The following SCN1A variants were observed in gnomAD, a reference collection of about 807,000 sequenced individuals.
SCN1A encodes the protein sodium channel protein type 1 subunit alpha.
Under a neutral mutation model 193.7 loss-of-function variants are expected in SCN1A, and 13 were observed. The observed-to-expected ratio is 0.07, with a 90% CI of 0.04 to 0.11. The LOEUF is 0.11. SCN1A is among the 10% of genes least tolerant of loss of function. SCN1A has a pLI of 1.00. For synonymous variants in SCN1A, 781 were observed against 843.6 expected, an observed-to-expected ratio of 0.93 and a Z score of 1.29; for missense variants, 1,432 against 2,451.1, an observed-to-expected ratio of 0.58 and a Z score of 8.78.
chr2:166,021,651 TC>T, intron 19 of SCN1A, among the ~76,000 whole-genome samples: 1 of 152,308 alleles, frequency 6.6e-6, no homozygotes, highest in Admixed American at 6.5e-5. Flanking sequence ...ATAAATTATT[TC>T]TAAAATGCTA....
Position 166,046,884 on chromosome 2 carries a change from C to T in SCN1A, c.1263G>A (p.Val421=). The T allele has an allele frequency of 6.2e-7, 1 of 1,613,988 alleles. No homozygotes were observed. Among genetic ancestry groups the T allele is most frequent in the Non-Finnish European group, 8.5e-7 (1 of 1,179,916 alleles). The change falls in exon 12 of 29, where the codon GTG becomes GTA. Residue 421 remains valine, a synonymous_variant. Coordinates refer to ENST00000674923, the MANE Select transcript of SCN1A (RefSeq NM_001165963.4). ...TCTGTTCCTCGTAGGCCATGGCCAC[C>T]ACAGCCAGGATCAAATTTATTAGGT... ...SFYLINLILA[V]VAMAYEEQNQ...
chr2:166,084,895 C>T (rs4667870), intron 2 of SCN1A, among the ~76,000 whole-genome samples: 3,768 of 152,254 alleles, frequency 0.025, 229 homozygotes, highest in Admixed American at 0.14. Context: ...ATTTCCAAAG[C>T]CTGGTCCATT....
intron 6 of SCN1A, among the ~76,000 whole-genome samples, 198 bp downstream of exon 6, chr2:166,056,213 A>G (rs1699113428): frequency 6.6e-6 from 1 of 152,220 alleles, no homozygotes; most frequent in African/African-American, 2.4e-5. Flanking sequence ...GGTGAACACC[A>G]GGTACAGGCA....
intron 19 of SCN1A, among the ~76,000 whole-genome samples, chr2:166,035,191 C>T (rs939990098): frequency 2.0e-5 from 3 of 152,206 alleles, no homozygotes; most frequent in Non-Finnish European, 4.4e-5. Context: ...GCACTCCCCT[C>T]ACTAGCTATG....
chr2:166,036,129 T>C lies in SCN1A; in HGVS notation c.3348A>G (p.Pro1116=). 6.2e-7 allele frequency: 1 copy of C among 1,614,044 alleles called. No individual in the cohort carries two copies. The highest frequency in any genetic ancestry group is 1.3e-5 in the African/African-American group (1 of 75,042). The change falls in exon 19 of 29, where the codon CCA becomes CCG. Residue 1116 remains proline, a synonymous_variant. Transcript: ENST00000674923. ...CAAAGTCAGATTCTCCTACAGCAATTGGTACAGTCACAGTAAGACTGGGGT... is the reference window on the plus strand; with the variant it reads ...CAAAGTCAGATTCTCCTACAGCAATCGGTACAGTCACAGTAAGACTGGGGT... The part of the protein sequence containing the change: ...INNPSLTVTV[P]IAVGESDFEN...
At position 165,990,540 on chromosome 2, in the gene SCN1A, G is replaced by A. The variant is rs1165426428; in HGVS notation, c.*705C>T. Reference sequence around the variant, plus strand: ...ACCCACAAATAATCTACTTGGTCTAGGGGCTGGATTTCGCAAAACAAGATC... The same window carrying A: ...ACCCACAAATAATCTACTTGGTCTAAGGGCTGGATTTCGCAAAACAAGATC... On this transcript the variant is annotated 3_prime_UTR_variant, in exon 29 of 29. Transcript: ENST00000674923. 2 of 152,566 alleles carry A rather than the reference G, an allele frequency of 1.3e-5. No individual in the cohort carries two copies. The highest frequency in any genetic ancestry group is 2.9e-5 in the Non-Finnish European group (2 of 68,088). The allele number at this position is 152,566 out of a possible 1,614,324, so 9.5% of individuals were successfully genotyped here. A position where few individuals can be genotyped will look rare whatever the true frequency, so the allele number is the denominator to read the frequency against.
chr2:166,017,945 C>T (rs1693522759), intron 19 of SCN1A, among the ~76,000 whole-genome samples: 1 of 151,936 alleles, frequency 6.6e-6, no homozygotes, highest in African/African-American at 2.4e-5. Context: ...TATAGGTTGT[C>T]AGTAATAAGC....
intron 19 of SCN1A, among the ~76,000 whole-genome samples, chr2:166,025,544 T>C (rs1694647918): frequency 6.6e-6 from 1 of 152,172 alleles, no homozygotes; most frequent in South Asian, 2.1e-4. Flanking sequence ...TTGTCATAAA[T>C]GTAATGTAAT....
intron 1 of SCN1A, among the ~76,000 whole-genome samples, chr2:166,138,244 G>T (rs894398970): frequency 6.6e-6 from 1 of 152,244 alleles, no homozygotes; most frequent in African/African-American, 2.4e-5. Context: ...GCTAGCTGCA[G>T]AAATTTGCAT....
intron 19 of SCN1A, among the ~76,000 whole-genome samples, chr2:166,034,644 GTTGCTATGGATTAAAGTT>G (rs1309654217): frequency 6.6e-6 from 1 of 152,136 alleles, no homozygotes; most frequent in Non-Finnish European, 1.5e-5. Context: ...TTCAAAGTAG[GTTGCTATGGATTAAAGTT>G]TTGTCTCCAC....
At position 166,002,551 on chromosome 2, in the gene SCN1A, C is replaced by A; in HGVS notation, c.4205G>T (p.Arg1402Ile). The A allele has an allele frequency of 6.2e-7, 1 of 1,611,758 alleles. No individual in the cohort carries two copies. Among genetic ancestry groups the A allele is most frequent in the Non-Finnish European group, 8.5e-7 (1 of 1,178,648 alleles). ...ATTTTTCCATCGAGCAGTCTCATTT[C>A]TTTCTATTAGTTTTAGGCAATCAGT... ...NHTDCLKLIE[R>I]NETARWKNVK... The change falls in exon 24 of 29, where the codon AGA (arginine) becomes ATA (isoleucine). Residue 1402 changes from arginine (R) to isoleucine (I), a missense_variant. Arg to Ile is a moderately conservative substitution (Grantham distance 97). This residue lies in a region of SCN1A where 107 missense variants were observed against 259.4 expected (regional missense o/e 0.41). Coordinates refer to ENST00000674923, the MANE Select transcript of SCN1A (RefSeq NM_001165963.4).
intron 2 of SCN1A, among the ~76,000 whole-genome samples, chr2:166,107,025 C>T (rs550679292): frequency 6.6e-6 from 1 of 152,198 alleles, no homozygotes; most frequent in South Asian, 2.1e-4. Context: ...GACTATACTT[C>T]TTAACAGCTA....
At position 166,025,961 on chromosome 2, in the gene SCN1A, G is replaced by A. The variant is rs373730413; in HGVS notation, c.3429+10087C>T. ...ATGCTTTTATTCAATATTTGTTTAG[G>A]AGGCAATTTCTTAATTTTCAAATGG... On this transcript the variant is annotated intron_variant, in intron 19 of 28. Coordinates refer to ENST00000674923, the MANE Select transcript of SCN1A (RefSeq NM_001165963.4). Among the ~76,000 whole-genome samples the A allele has an allele frequency of 5.9e-5, 9 of 151,970 alleles. No individual in the cohort carries two copies. The East Asian group carries it at 1.4e-3, about 23-fold the overall frequency.
chr2:166,086,840 C>G (rs1305002347), intron 2 of SCN1A, among the ~76,000 whole-genome samples: 1 of 152,100 alleles, frequency 6.6e-6, no homozygotes, highest in Admixed American at 6.5e-5. Flanking sequence ...GATTATTATA[C>G]AGTTTCGTCT....
chr2:166,139,098 A>C (rs1416927019), intron 1 of SCN1A, among the ~76,000 whole-genome samples: 4 of 152,182 alleles, frequency 2.6e-5, no homozygotes, highest in Non-Finnish European at 4.4e-5. Flanking sequence ...TGTATCTAGG[A>C]GGTAACTAAC....
chr2:166,035,965 T>A, intron 19 of SCN1A, 83 bp downstream of exon 19: 1 of 1,398,768 alleles, frequency 7.1e-7, no homozygotes. Flanking sequence ...AGTCAAAACA[T>A]CATTAAGCTG....
At chr2:166,056,788 C>T (rs1216495492) in intron 5 of SCN1A, among the ~76,000 whole-genome samples, 1 of 152,030 alleles carries the variant, frequency 6.6e-6, no homozygotes, top group African/African-American at 2.4e-5. Flanking sequence ...AATATATTCA[C>T]CTCCCAGAGA....
chr2:166,015,974 G>A, intron 19 of SCN1A: 1 of 466,924 alleles, frequency 2.1e-6, no homozygotes, highest in Non-Finnish European at 3.9e-6. Context: ...AAGGCCATCA[G>A]CCACATGTAC....
At chr2:166,056,762 C>A (rs1699179451) in intron 5 of SCN1A, among the ~76,000 whole-genome samples, 1 of 151,972 alleles carries the variant, frequency 6.6e-6, no homozygotes, top group African/African-American at 2.4e-5. Context: ...GTTGTTTTTA[C>A]AACTATTATT....
Sources: allele counts gnomAD v4.1 joint callset (sites outside exome capture counted in the v4.1 genomes callset), GRCh38; gene constraint gnomAD v4.1.1; regional missense constraint gnomAD v4.1.1; transcripts MANE v1.5; gene names NCBI Gene and HGNC (gene_info 2026-07-23, HGNC 2026-07-21).